The following LRRC3B variants were observed in gnomAD, a reference collection of about 807,000 sequenced individuals.
The protein encoded by LRRC3B is leucine-rich repeat-containing protein 3B.
Under a neutral mutation model 12.8 loss-of-function variants are expected in LRRC3B, and 2 were observed. That is an observed-to-expected ratio of 0.16 (90% CI 0.06 to 0.49). The LOEUF (loss-of-function observed/expected upper bound fraction) is 0.49. Ranked by LOEUF, LRRC3B falls within the 20% of genes least tolerant of loss-of-function variation. The pLI is 0.96. For missense variants in LRRC3B, 189 were observed against 319.4 expected (o/e 0.59, Z 3.11); for synonymous variants, 132 against 122.0 (o/e 1.08, Z -0.54).
chr3:26,679,828 A>T (rs1215894555), intron 1 of LRRC3B, among the ~76,000 whole-genome samples: 2 of 152,206 alleles, frequency 1.3e-5, no homozygotes, highest in African/African-American at 4.8e-5. Flanking sequence ...TAGGAGGCTC[A>T]TAAGAAACTA....
chr3:26,639,878 G>A (rs1698986087), intron 1 of LRRC3B, among the ~76,000 whole-genome samples: 1 of 152,034 alleles, frequency 6.6e-6, no homozygotes, highest in African/African-American at 2.4e-5. Context: ...CTTTCCTTAT[G>A]AGTATTTATT....
intron 1 of LRRC3B, among the ~76,000 whole-genome samples, chr3:26,657,123 T>A (rs985983869): frequency 6.6e-5 from 10 of 152,202 alleles, no homozygotes; most frequent in Non-Finnish European, 1.2e-4. Context: ...AATATTTGTT[T>A]TTAATATAAT....
At chr3:26,648,942 G>A (rs1025338580) in intron 1 of LRRC3B, among the ~76,000 whole-genome samples, 1 of 152,144 alleles carries the variant, frequency 6.6e-6, no homozygotes, top group Non-Finnish European at 1.5e-5. Context: ...TAAGAATGGG[G>A]CATTTTTCTC....
intron 1 of LRRC3B, among the ~76,000 whole-genome samples, chr3:26,640,528 C>T (rs976329286): frequency 6.6e-6 from 1 of 152,048 alleles, no homozygotes; most frequent in African/African-American, 2.4e-5. Flanking sequence ...TAATCCCAGC[C>T]TTTCTCATTC....
At chr3:26,675,506 C>G (rs956889339) in intron 1 of LRRC3B, among the ~76,000 whole-genome samples, 1 of 152,132 alleles carries the variant, frequency 6.6e-6, no homozygotes, top group African/African-American at 2.4e-5. Context: ...TTCAGTTTGC[C>G]CAGAATATTC....
At chr3:26,632,496 G>A (rs1008413619) in intron 1 of LRRC3B, among the ~76,000 whole-genome samples, 2 of 152,072 alleles carry the variant, frequency 1.3e-5, no homozygotes. Context: ...CTGAACAGAA[G>A]CCATATCTGT....
At chr3:26,664,217 C>T (rs1241360091) in intron 1 of LRRC3B, among the ~76,000 whole-genome samples, 2 of 152,118 alleles carry the variant, frequency 1.3e-5, no homozygotes, top group African/African-American at 4.8e-5. Context: ...ACTTCATTCA[C>T]TTTTCATACC....
intron 1 of LRRC3B, among the ~76,000 whole-genome samples, chr3:26,661,160 A>G (rs1003245490): frequency 1.3e-5 from 2 of 152,142 alleles, no homozygotes; most frequent in African/African-American, 4.8e-5. Context: ...ACACACACAT[A>G]TTGGCTTCTG....
chr3:26,698,253 T>A lies in LRRC3B; in HGVS notation c.-160-11260T>A, dbSNP rs185783986. On this transcript the variant is annotated intron_variant, in intron 1 of 1. Transcript: ENST00000396641. ...ATCTCATTTAATCCTCATCTCACCC[T>A]TGTGAGGTGGAACTTTTATTACCCT... 2.9e-3 allele frequency among the ~76,000 whole-genome samples: 442 copies of A among 152,270 alleles called. 2 individuals carry two copies. Among genetic ancestry groups the A allele is most frequent in the South Asian group, 0.019 (91 of 4,816 alleles).
At chr3:26,682,600 T>A (rs546002883) in intron 1 of LRRC3B, among the ~76,000 whole-genome samples, 71 of 152,302 alleles carry the variant, frequency 4.7e-4, no homozygotes, top group African/African-American at 1.6e-3. Flanking sequence ...GGAAAGTATG[T>A]TTCCTGGCCA....
intron 1 of LRRC3B, among the ~76,000 whole-genome samples, chr3:26,662,615 A>G (rs1699516334): frequency 6.6e-6 from 1 of 152,162 alleles, no homozygotes; most frequent in Non-Finnish European, 1.5e-5. Context: ...GGATGTGTGT[A>G]TGAGTGAGTT....
rs151182293 is a variant in LRRC3B at position 26,702,670 on chromosome 3, G to C, written c.-160-6843G>C. ...GCTTTTTTGACCTGCAGGATGATGT[G>C]GTTAAGAGTGTTACTTTAACTTGAC... On this transcript the variant is annotated intron_variant, in intron 1 of 1. Coordinates refer to ENST00000396641, the Ensembl canonical transcript of LRRC3B. 7.2e-4 allele frequency among the ~76,000 whole-genome samples: 110 copies of C among 152,180 alleles called. 1 individual carries two copies. Among genetic ancestry groups the C allele is most frequent in the African/African-American group, 2.5e-3 (103 of 41,526 alleles).
intron 1 of LRRC3B, among the ~76,000 whole-genome samples, chr3:26,701,955 C>A (rs1444177312): frequency 6.6e-6 from 1 of 152,108 alleles, no homozygotes; most frequent in Non-Finnish European, 1.5e-5. Context: ...TACCATCCTG[C>A]TAGATGAATT....
At chr3:26,682,139 C>T (rs573584096) in intron 1 of LRRC3B, among the ~76,000 whole-genome samples, 1 of 152,164 alleles carries the variant, frequency 6.6e-6, no homozygotes, top group Admixed American at 6.5e-5. Context: ...TATGGTTGAC[C>T]AGGGGTAACC....
intron 1 of LRRC3B, among the ~76,000 whole-genome samples, chr3:26,635,478 A>G (rs185210299): frequency 7.2e-5 from 11 of 152,336 alleles, no homozygotes; most frequent in Non-Finnish European, 1.2e-4. Context: ...AAAAGACAAC[A>G]GAAAGCATGC....
At chr3:26,697,203 T>C (rs1700338591) in intron 1 of LRRC3B, among the ~76,000 whole-genome samples, 1 of 152,158 alleles carries the variant, frequency 6.6e-6, no homozygotes, top group African/African-American at 2.4e-5. Context: ...TTTCTTATAG[T>C]TCTGGAGGTA....
chr3:26,690,418 A>G (rs1465792984), intron 1 of LRRC3B, among the ~76,000 whole-genome samples: 1 of 152,142 alleles, frequency 6.6e-6, no homozygotes, highest in Non-Finnish European at 1.5e-5. Context: ...GAGAATGCCA[A>G]TCTGGTTTTA....
chr3:26,626,463 G>C (rs1246702714), intron 1 of LRRC3B, among the ~76,000 whole-genome samples: 1 of 152,158 alleles, frequency 6.6e-6, no homozygotes, highest in Non-Finnish European at 1.5e-5. Context: ...CAGACTCAGG[G>C]AGGAGATTCA....
At chr3:26,687,706 C>A (rs1217539227) in intron 1 of LRRC3B, among the ~76,000 whole-genome samples, 1 of 152,182 alleles carries the variant, frequency 6.6e-6, no homozygotes, top group Non-Finnish European at 1.5e-5. Context: ...GAGCTGCTAA[C>A]AAGTGGTAGA....
Sources: allele counts gnomAD v4.1 joint callset (sites outside exome capture counted in the v4.1 genomes callset), GRCh38; gene constraint gnomAD v4.1.1; transcripts MANE v1.5; gene names NCBI Gene and HGNC (gene_info 2026-07-23, HGNC 2026-07-21).